RARB: variants seen among roughly 807,000 people sequenced by gnomAD.
RARB encodes the protein retinoic acid receptor beta.
In RARB, 17 loss-of-function variants were observed where a neutral mutation model predicts 51.9. The ratio of observed to expected loss-of-function variants is 0.33; its 90% CI spans 0.22 to 0.49. RARB has a LOEUF of 0.49. RARB is among the 20% of genes least tolerant of loss of function. The pLI is 0.99. For synonymous variants in RARB, 215 were observed against 195.4 expected, an observed-to-expected ratio of 1.10 and a Z score of -0.84; for missense variants, 369 against 550.8, an observed-to-expected ratio of 0.67 and a Z score of 3.30.
At chr3:25,335,858 A>T (rs1705046640) in intron 5 of RARB, among the ~76,000 whole-genome samples, 1 of 152,236 alleles carries the variant, frequency 6.6e-6, no homozygotes, top group Non-Finnish European at 1.5e-5. Context: ...ATACAGGAGA[A>T]CATGTAAAGC....
chr3:25,090,504 TA>T (rs1234900897), intron 3 of RARB, among the ~76,000 whole-genome samples: 4 of 152,142 alleles, frequency 2.6e-5, no homozygotes, highest in Non-Finnish European at 4.4e-5. Context: ...TGAAGATGTT[TA>T]AACCTAAGAA....
At chr3:24,971,030 A>G (rs1233126448) in intron 2 of RARB, among the ~76,000 whole-genome samples, 4 of 151,936 alleles carry the variant, frequency 2.6e-5, no homozygotes, top group African/African-American at 9.7e-5. Context: ...TAGTATTCCA[A>G]TGTACTTTAT....
chr3:25,508,704 A>C (rs1166835364), intron 3 of RARB, among the ~76,000 whole-genome samples: 2 of 152,062 alleles, frequency 1.3e-5, no homozygotes, highest in Admixed American at 1.3e-4. Context: ...ACCAGAAACT[A>C]CCATTAACCC....
chr3:24,917,873 T>C (rs1298622642), intron 2 of RARB, among the ~76,000 whole-genome samples: 5 of 152,126 alleles, frequency 3.3e-5, no homozygotes, highest in Non-Finnish European at 7.4e-5. Context: ...TCACACCCAC[T>C]AGAATGATTA....
intron 5 of RARB, among the ~76,000 whole-genome samples, chr3:25,247,100 C>T (rs1702581298): frequency 6.6e-6 from 1 of 152,238 alleles, no homozygotes; most frequent in Admixed American, 6.5e-5. Context: ...TCAGAACTAG[C>T]TGGGAGCTTC....
intron 5 of RARB, among the ~76,000 whole-genome samples, chr3:25,199,456 T>A (rs1349130418): frequency 6.6e-6 from 1 of 152,102 alleles, no homozygotes; most frequent in African/African-American, 2.4e-5. Context: ...ATAATTGGAA[T>A]TTTTTTATTA....
chr3:24,908,973 G>C (rs1421960858), intron 2 of RARB, among the ~76,000 whole-genome samples: 2 of 152,070 alleles, frequency 1.3e-5, no homozygotes, highest in Non-Finnish European at 2.9e-5. Context: ...TCAATTTGCT[G>C]AAGACTTCAG....
At chr3:25,134,382 C>CTGT (rs1699998457) in intron 4 of RARB, among the ~76,000 whole-genome samples, 3 of 151,864 alleles carry the variant, frequency 2.0e-5, no homozygotes, top group Non-Finnish European at 4.4e-5. Context: ...CTAGGTTTTG[C>CTGT]TGTTTATTAG....
rs75690730 is a variant in RARB, at chr3:25,306,978, A to G, written c.178+132403A>G. ...GGTGCATTAAGCTCCCCACGCTAAG[A>G]GAGATACATTCCTTCACATTCTACT... On this transcript the variant is annotated intron_variant, in intron 5 of 11. Transcript: ENST00000383772. 2.5e-4 allele frequency among the ~76,000 whole-genome samples: 38 copies of G among 152,304 alleles called. No homozygotes were observed. The East Asian group carries it at 2.7e-3, about 11-fold the overall frequency.
intron 5 of RARB, among the ~76,000 whole-genome samples, chr3:25,265,311 G>A (rs1053429657): frequency 1.3e-5 from 2 of 151,990 alleles, no homozygotes; most frequent in Non-Finnish European, 2.9e-5. Context: ...ACAATTTTTC[G>A]GTACAAGAAT....
intron 5 of RARB, among the ~76,000 whole-genome samples, chr3:25,216,226 C>A (rs978811929): frequency 6.6e-6 from 1 of 152,128 alleles, no homozygotes; most frequent in African/African-American, 2.4e-5. Flanking sequence ...TCCTCTCCCC[C>A]ACAAGAGGAA....
At chr3:25,081,018 ATCT>A (rs1339831692) in intron 3 of RARB, among the ~76,000 whole-genome samples, 7 of 151,878 alleles carry the variant, frequency 4.6e-5, no homozygotes, top group East Asian at 1.9e-4. Context: ...TTACTTTATT[ATCT>A]TCTTCTATGC....
chr3:25,462,966 G>T (rs796181566), intron 2 of RARB, among the ~76,000 whole-genome samples: 14 of 152,290 alleles, frequency 9.2e-5, no homozygotes, highest in African/African-American at 2.9e-4. Flanking sequence ...GGTCAGCCTA[G>T]ACTCAGTAGG....
intron 2 of RARB, among the ~76,000 whole-genome samples, chr3:25,494,542 T>G (rs1202439710): frequency 6.6e-6 from 1 of 152,238 alleles, no homozygotes; most frequent in East Asian, 1.9e-4. Context: ...TTTCACTGTC[T>G]GCTTCCATAA....
intron 5 of RARB, among the ~76,000 whole-genome samples, chr3:25,308,931 C>G (rs145672959): frequency 6.6e-6 from 1 of 152,108 alleles, no homozygotes; most frequent in Non-Finnish European, 1.5e-5. Context: ...GAATTATCAC[C>G]TCCATCATTC....
chr3:25,493,272 T>TC (rs1349032933), intron 2 of RARB, among the ~76,000 whole-genome samples: 2 of 152,104 alleles, frequency 1.3e-5, no homozygotes, highest in Non-Finnish European at 2.9e-5. Context: ...TTTCTCTTTC[T>TC]CCCCCCAAAT....
In RARB at chr3:25,313,772, C is replaced by T. The variant is rs539462483; in HGVS notation, c.178+139197C>T. ...TACAAAAGGAAGTATTTATTTTCTA[C>T]GAGAAAAAAATAACAGTCCAGGCGT... On this transcript the variant is annotated intron_variant, in intron 5 of 11. Transcript: ENST00000383772. 1.6e-4 allele frequency among the ~76,000 whole-genome samples: 25 copies of T among 152,076 alleles called. 1 individual carries two copies. In the South Asian group the frequency reaches 2.3e-3, roughly 14 times the overall value.
chr3:25,099,168 A>G (rs1699353588), intron 3 of RARB, among the ~76,000 whole-genome samples: 1 of 152,026 alleles, frequency 6.6e-6, no homozygotes, highest in South Asian at 2.1e-4. Flanking sequence ...ACAGGTAGGC[A>G]CTCCCAAAGC....
chr3:25,175,058 A>G (rs1700717234), intron 5 of RARB, among the ~76,000 whole-genome samples: 1 of 152,176 alleles, frequency 6.6e-6, no homozygotes, highest in South Asian at 2.1e-4. Context: ...CTACCAATTC[A>G]TATCACATTA....
Sources: allele counts gnomAD v4.1 joint callset (sites outside exome capture counted in the v4.1 genomes callset), GRCh38; gene constraint gnomAD v4.1.1; transcripts MANE v1.5; gene names NCBI Gene and HGNC (gene_info 2026-07-23, HGNC 2026-07-21).